The following EFNA5 variants were observed in gnomAD, a reference collection of about 807,000 sequenced individuals.
EFNA5 encodes the protein ephrin A5, also known as ephrin-A5.
In EFNA5, 5 loss-of-function variants were observed where a neutral mutation model predicts 22.9. The ratio of observed to expected loss-of-function variants is 0.22; its 90% CI spans 0.11 to 0.46. The LOEUF is 0.46. EFNA5 is among the 20% of genes least tolerant of loss of function. The pLI, the probability that EFNA5 is intolerant of heterozygous loss-of-function variation, is 0.99. For synonymous variants in EFNA5, 113 were observed against 112.2 expected (o/e 1.01, Z -0.04); for missense variants, 237 against 293.3 (o/e 0.81, Z 1.40).
At chr5:107,395,240 T>C (rs1747891644) in intron 2 of EFNA5, among the ~76,000 whole-genome samples, 1 of 152,024 alleles carries the variant, frequency 6.6e-6, no homozygotes, top group Non-Finnish European at 1.5e-5. Context: ...GGTTTCACCA[T>C]GTTGGCCAGG....
At chr5:107,390,961 C>T (rs147694691) in intron 2 of EFNA5, among the ~76,000 whole-genome samples, 1 of 152,236 alleles carries the variant, frequency 6.6e-6, no homozygotes, top group Admixed American at 6.5e-5. Context: ...GAGTTCGAGA[C>T]CAGCCTGGCC....
At chr5:107,619,043 T>G (rs1162506349) in intron 1 of EFNA5, among the ~76,000 whole-genome samples, 1 of 151,930 alleles carries the variant, frequency 6.6e-6, no homozygotes, top group Non-Finnish European at 1.5e-5. Flanking sequence ...TGCCTCAGCC[T>G]CCCGAGTAGC....
At chr5:107,608,572 G>A (rs26724) in intron 1 of EFNA5, among the ~76,000 whole-genome samples, 57,964 of 152,050 alleles carry the variant, frequency 0.38, 11,776 homozygotes, top group African/African-American at 0.51. Context: ...TCATGGTGCC[G>A]GGAGGCCACC....
At position 107,381,293 on chromosome 5, in the gene EFNA5, T is replaced by C. The variant is rs1371404497; in HGVS notation, c.649A>G (p.Ile217Val). 8 of 1,613,952 alleles carry C rather than the reference T, an allele frequency of 5.0e-6. No homozygotes were observed. Among genetic ancestry groups the C allele is most frequent in the African/African-American group, 2.7e-5 (2 of 74,928 alleles). Residue 217 changes from isoleucine (I) to valine (V), a missense_variant, in exon 5 of 5, where the codon ATC becomes GTC. By Grantham distance (29) the Ile-to-Val change is conservative (BLOSUM62 3). Coordinates refer to ENST00000333274, the MANE Select transcript of EFNA5 (RefSeq NM_001962.3). ...TPRIPSRLLA[I>V]LLFLLAMLLT... ...AGCATCGCCAGGAGGAACAGTAGGATTGCCAAAAGGCGGCTGGGTATCCTT... is the reference window on the plus strand; with the variant it reads ...AGCATCGCCAGGAGGAACAGTAGGACTGCCAAAAGGCGGCTGGGTATCCTT...
At chr5:107,549,818 A>C (rs955411754) in intron 1 of EFNA5, among the ~76,000 whole-genome samples, 5 of 152,226 alleles carry the variant, frequency 3.3e-5, no homozygotes, top group Non-Finnish European at 7.3e-5. Context: ...GCCATGAGGA[A>C]TGAGCAGCCA....
At chr5:107,578,695 G>T (rs979197832) in intron 1 of EFNA5, among the ~76,000 whole-genome samples, 7 of 152,046 alleles carry the variant, frequency 4.6e-5, no homozygotes, top group African/African-American at 1.4e-4. Context: ...ACAGACTTTT[G>T]TTCTCCCCAA....
chr5:107,631,233 T>C (rs191997908), intron 1 of EFNA5, among the ~76,000 whole-genome samples: 1 of 150,198 alleles, frequency 6.7e-6, no homozygotes, highest in East Asian at 1.9e-4. Context: ...ACTAAAAACA[T>C]TGTTACATAG....
At chr5:107,625,121 T>A (rs1750116422) in intron 1 of EFNA5, among the ~76,000 whole-genome samples, 2 of 152,252 alleles carry the variant, frequency 1.3e-5, no homozygotes, top group Middle Eastern at 3.4e-3. Flanking sequence ...CTTCCAAACT[T>A]ACGCTGTAGC....
intron 1 of EFNA5, among the ~76,000 whole-genome samples, chr5:107,436,151 T>G (rs529293990): frequency 4.9e-4 from 74 of 152,342 alleles, no homozygotes; most frequent in African/African-American, 1.5e-3. Flanking sequence ...AACTGCTATC[T>G]CCCAGAAATT....
At chr5:107,518,516 T>C (rs926318630) in intron 1 of EFNA5, among the ~76,000 whole-genome samples, 2 of 152,022 alleles carry the variant, frequency 1.3e-5, no homozygotes, top group African/African-American at 2.4e-5. Context: ...CAGAAGGATG[T>C]TCAAGGATTG....
chr5:107,646,961 CTG>C (rs1444554751), intron 1 of EFNA5, among the ~76,000 whole-genome samples: 1 of 151,966 alleles, frequency 6.6e-6, no homozygotes, highest in African/African-American at 2.4e-5. Flanking sequence ...TTGAATATGA[CTG>C]TCAGTACATT....
intron 1 of EFNA5, among the ~76,000 whole-genome samples, chr5:107,569,553 A>ATATTTT (rs1401731785): frequency 2.5e-5 from 3 of 117,866 alleles, no homozygotes; most frequent in Non-Finnish European, 5.4e-5. Flanking sequence ...GTGTGTATAT[A>ATATTTT]TATATTTATA....
chr5:107,580,272 C>T (rs1254681219), intron 1 of EFNA5, among the ~76,000 whole-genome samples: 2 of 152,182 alleles, frequency 1.3e-5, no homozygotes, highest in East Asian at 1.9e-4. Context: ...CAGAATTCTA[C>T]ACCTACATTT....
intron 1 of EFNA5, among the ~76,000 whole-genome samples, chr5:107,554,163 T>C (rs1748358102): frequency 6.6e-6 from 1 of 152,248 alleles, no homozygotes; most frequent in Non-Finnish European, 1.5e-5. Context: ...CCCTATAATT[T>C]GTTAGCACTG....
intron 1 of EFNA5, among the ~76,000 whole-genome samples, chr5:107,556,854 T>C (rs1252708666): frequency 1.3e-5 from 2 of 151,952 alleles, no homozygotes; most frequent in East Asian, 1.9e-4. Flanking sequence ...CCTGAACAAA[T>C]GCCCTCATAA....
At chr5:107,636,593 A>G (rs1018247035) in intron 1 of EFNA5, among the ~76,000 whole-genome samples, 1 of 152,250 alleles carries the variant, frequency 6.6e-6, no homozygotes, top group Non-Finnish European at 1.5e-5. Context: ...GTATTTCCAG[A>G]AGAGTTACCA....
intron 1 of EFNA5, among the ~76,000 whole-genome samples, chr5:107,628,422 C>T (rs1350600765): frequency 6.6e-6 from 1 of 152,046 alleles, no homozygotes; most frequent in East Asian, 1.9e-4. Context: ...TAAAATGAAA[C>T]TCAAAACAAA....
chr5:107,521,456 C>CTATATA (rs56039409), intron 1 of EFNA5, among the ~76,000 whole-genome samples: 46 of 124,410 alleles, frequency 3.7e-4, no homozygotes, highest in Non-Finnish European at 6.2e-4. Context: ...CCACACCTGG[C>CTATATA]TATATATATA....
Position 107,381,141 on chromosome 5 carries a change from C to G in EFNA5, c.*114G>C. ...AGGCTGAAAGAAAGAAAACAAAAATCTGACATCTGCCAAAACCCAATAACA... is the reference window on the plus strand; with the variant it reads ...AGGCTGAAAGAAAGAAAACAAAAATGTGACATCTGCCAAAACCCAATAACA... On this transcript the variant is annotated 3_prime_UTR_variant, in exon 5 of 5. Coordinates refer to ENST00000333274, the MANE Select transcript of EFNA5 (RefSeq NM_001962.3). The G allele has an allele frequency of 2.1e-6, 3 of 1,400,324 alleles. No homozygotes were observed. Among genetic ancestry groups the G allele is most frequent in the Non-Finnish European group, 2.9e-6 (3 of 1,048,886 alleles). The allele number at this position is 1,400,324 out of a possible 1,614,324, so 86.7% of individuals were successfully genotyped here. A position where few individuals can be genotyped will look rare whatever the true frequency, so the allele number is the denominator to read the frequency against.
Sources: allele counts gnomAD v4.1 joint callset (sites outside exome capture counted in the v4.1 genomes callset), GRCh38; gene constraint gnomAD v4.1.1; transcripts MANE v1.5; gene names NCBI Gene and HGNC (gene_info 2026-07-23, HGNC 2026-07-21).